Variants in SHOC2 observed in about 807,000 individuals in gnomAD.
SHOC2 encodes SHOC2 leucine rich repeat scaffold protein.
A neutral mutation model predicts 50.2 loss-of-function variants in SHOC2; 4 were observed. The observed-to-expected ratio is 0.08, with a 90% CI of 0.04 to 0.18. SHOC2 has a LOEUF of 0.18. Ranked by LOEUF, SHOC2 falls within the 10% of genes least tolerant of loss-of-function variation. The pLI is 1.00. For missense variants in SHOC2, 388 were observed against 669.6 expected (o/e 0.58, Z 4.64); for synonymous variants, 218 against 244.5 (o/e 0.89, Z 1.01).
intron 7 of SHOC2, 41 bp downstream of exon 7, chr10:111,009,426 G>A: frequency 1.3e-6 from 2 of 1,520,022 alleles, no homozygotes; most frequent in Non-Finnish European, 1.8e-6. Context: ...AAAGTTTTTG[G>A]AATCTGTTCC....
chr10:110,970,249 G>A (rs889628557), intron 2 of SHOC2, among the ~76,000 whole-genome samples: 8 of 151,978 alleles, frequency 5.3e-5, no homozygotes, highest in East Asian at 1.9e-4. Context: ...TATTCTACTC[G>A]CTACTTCTTT....
intron 1 of SHOC2, among the ~76,000 whole-genome samples, chr10:110,930,357 T>C (rs1002972317): frequency 7.9e-5 from 12 of 152,316 alleles, no homozygotes; most frequent in African/African-American, 2.6e-4. Context: ...TTGTTTTTTT[T>C]CTGACAGTTT....
chr10:110,919,859 T>A (rs1360358626), intron 1 of SHOC2: 12 of 365,088 alleles, frequency 3.3e-5, no homozygotes, highest in Non-Finnish European at 5.9e-5. Context: ...GGTTGCTGTC[T>A]CCGGGAGTGC....
At chr10:111,011,424 C>T (rs1848563534) in intron 8 of SHOC2, among the ~76,000 whole-genome samples, 186 bp from the exon 9 acceptor site, 1 of 152,026 alleles carries the variant, frequency 6.6e-6, no homozygotes, top group African/African-American at 2.4e-5. Flanking sequence ...TTTAAAAAGT[C>T]TTCCAAGTTG....
intron 4 of SHOC2, among the ~76,000 whole-genome samples, chr10:111,001,498 A>G (rs867769365): frequency 7.2e-5 from 11 of 152,230 alleles, no homozygotes; most frequent in African/African-American, 2.6e-4. Context: ...CAACATTATT[A>G]GTCTTTTACT....
At chr10:111,004,849 T>G in intron 5 of SHOC2, 55 bp downstream of exon 5, 1 of 1,194,696 alleles carries the variant, frequency 8.4e-7, no homozygotes, top group Admixed American at 1.8e-5. Flanking sequence ...GTACTTCCAC[T>G]AATATTTATG....
intron 2 of SHOC2, among the ~76,000 whole-genome samples, chr10:110,967,189 A>T (rs190094616): frequency 1.3e-5 from 2 of 152,342 alleles, no homozygotes; most frequent in East Asian, 3.9e-4. Flanking sequence ...TATTTTCCCC[A>T]TGCTACTGAA....
chr10:110,923,301 TTTG>T (rs1158884237), intron 1 of SHOC2, among the ~76,000 whole-genome samples: 8 of 152,094 alleles, frequency 5.3e-5, no homozygotes, highest in African/African-American at 1.9e-4. Context: ...CTTAAAAGTG[TTTG>T]TTAATCATTA....
chr10:110,971,677 G>A (rs1426444822), intron 2 of SHOC2, among the ~76,000 whole-genome samples: 1 of 151,972 alleles, frequency 6.6e-6, no homozygotes, highest in Non-Finnish European at 1.5e-5. Context: ...TAATTCATGA[G>A]CATGGAATGT....
chr10:111,002,241 A>G (rs574519636), intron 4 of SHOC2, among the ~76,000 whole-genome samples: 22 of 152,268 alleles, frequency 1.4e-4, no homozygotes, highest in Admixed American at 1.2e-3. Flanking sequence ...TTTAAAAGTA[A>G]TCAGTGTGCT....
intron 5 of SHOC2, among the ~76,000 whole-genome samples, chr10:111,007,085 C>T (rs897801492): frequency 5.3e-5 from 8 of 152,146 alleles, no homozygotes; most frequent in African/African-American, 9.7e-5. Flanking sequence ...CTTTACTGCT[C>T]AGCACCTTAA....
chr10:110,978,513 C>T (rs957634104), intron 2 of SHOC2, among the ~76,000 whole-genome samples: 13 of 152,286 alleles, frequency 8.5e-5, no homozygotes, highest in African/African-American at 3.1e-4. Context: ...CTTTACTCTC[C>T]TATGTTATAG....
Position 110,937,013 on chromosome 10 carries a change from C to T in SHOC2, c.-235+17356C>T, listed in dbSNP as rs764200043. The T allele has an allele frequency of 3.4e-6, 5 of 1,484,584 alleles. No individual in the cohort carries two copies. In the South Asian group the frequency reaches 3.4e-5, roughly 10 times the overall value. 92.0% of individuals were successfully genotyped at this position (1,484,584 alleles called of 1,614,324 possible). A position where few individuals can be genotyped will look rare whatever the true frequency, so the allele number is the denominator to read the frequency against. On this transcript the variant is annotated intron_variant, in intron 1 of 8. Transcript: ENST00000369452. ...CAGCCAGAAGATGGGGCTGGGGGCC[C>T]GGAAGTGGTAGGGGCGTCGGAAAGG...
chr10:110,982,640 T>C (rs1444610221), intron 2 of SHOC2, among the ~76,000 whole-genome samples: 1 of 151,958 alleles, frequency 6.6e-6, no homozygotes, highest in African/African-American at 2.4e-5. Flanking sequence ...GTTTTTTGGC[T>C]GCATAAATGT....
rs539117121 is a variant in SHOC2, at chr10:111,009,737, T to C, written c.1447T>C (p.Leu483=). The C allele has an allele frequency of 4.7e-5, 76 of 1,611,370 alleles. No homozygotes were observed. The highest frequency in any genetic ancestry group is 6.3e-5 in the Non-Finnish European group (74 of 1,177,608). ...GAAATTAGTCTTGACAAACAACCAG[T>C]TGACCACTCTTCCCAGAGGCATTGG... ...LQKLVLTNNQ[L]TTLPRGIGHL... is the part of the protein sequence containing the mutation. Residue 483 remains leucine (L), a synonymous_variant, in exon 8 of 9, where the codon TTG becomes CTG. Coordinates refer to ENST00000369452, the MANE Select transcript of SHOC2 (RefSeq NM_007373.4).
intron 1 of SHOC2, among the ~76,000 whole-genome samples, chr10:110,925,375 A>G (rs1197146124): frequency 6.6e-6 from 1 of 152,136 alleles, no homozygotes; most frequent in Non-Finnish European, 1.5e-5. Flanking sequence ...AGAATTGACT[A>G]ATTTTTCACG....
At chr10:110,936,884 C>T (rs985512797) in intron 1 of SHOC2, 19 of 1,383,838 alleles carry the variant, frequency 1.4e-5, no homozygotes, top group Middle Eastern at 2.0e-4. Flanking sequence ...AACCACCATC[C>T]GCTTTTTCTT....
At chr10:110,955,915 CAAATA>C (rs1847452412) in intron 1 of SHOC2, among the ~76,000 whole-genome samples, 1 of 151,890 alleles carries the variant, frequency 6.6e-6, no homozygotes, top group Non-Finnish European at 1.5e-5. Flanking sequence ...AACAATTAAG[CAAATA>C]AAATAATTTT....
intron 5 of SHOC2, among the ~76,000 whole-genome samples, chr10:111,005,867 A>G (rs113206914): frequency 6.6e-6 from 1 of 152,358 alleles, no homozygotes; most frequent in African/African-American, 2.4e-5. Flanking sequence ...TCTTTAAACT[A>G]TAATCTTAAA....
Sources: allele counts gnomAD v4.1 joint callset (sites outside exome capture counted in the v4.1 genomes callset), GRCh38; gene constraint gnomAD v4.1.1; transcripts MANE v1.5; gene names NCBI Gene and HGNC (gene_info 2026-07-23, HGNC 2026-07-21).